Variants in TGFBR3 observed in about 807,000 individuals in gnomAD.
The protein encoded by TGFBR3 is transforming growth factor beta receptor 3.
TGFBR3 carries 46 observed loss-of-function variants against 87.9 expected under a neutral mutation model. The ratio of observed to expected loss-of-function variants is 0.52; its 90% CI spans 0.41 to 0.67. TGFBR3 has a LOEUF of 0.67. Among genes scored for constraint, TGFBR3 ranks in the 30% least tolerant of loss-of-function variants. The pLI is 0.00. For missense variants in TGFBR3, 866 were observed against 1,041.9 expected (o/e 0.83, Z 2.32); for synonymous variants, 381 against 391.6 (o/e 0.97, Z 0.32).
chr1:91,854,584 TAA>T (rs764009447), intron 2 of TGFBR3, among the ~76,000 whole-genome samples: 11 of 152,250 alleles, frequency 7.2e-5, no homozygotes, highest in East Asian at 1.9e-4. Context: ...TGAAAATTGT[TAA>T]GAGAGTATAT....
intron 3 of TGFBR3, among the ~76,000 whole-genome samples, chr1:91,760,988 G>A (rs1052575287): frequency 1.3e-5 from 2 of 152,230 alleles, no homozygotes; most frequent in Admixed American, 6.5e-5. Flanking sequence ...GCATGTATCA[G>A]TAAAAGGTTT....
At chr1:91,792,618 T>A (rs56281323) in intron 3 of TGFBR3, among the ~76,000 whole-genome samples, 11 of 152,294 alleles carry the variant, frequency 7.2e-5, no homozygotes, top group Non-Finnish European at 1.2e-4. Context: ...ACAAAATTGT[T>A]GCCATTCCAG....
chr1:91,697,787 G>T (rs967772638), intron 15 of TGFBR3, among the ~76,000 whole-genome samples: 9 of 152,160 alleles, frequency 5.9e-5, no homozygotes, highest in Non-Finnish European at 1.2e-4. Context: ...ACATAAGCAT[G>T]CAAGTCATTA....
chr1:91,885,766 T>C, intron 1 of TGFBR3, 112 bp downstream of exon 1: 1 of 209,856 alleles, frequency 4.8e-6, no homozygotes, highest in Non-Finnish European at 9.4e-6. Flanking sequence ...GGAGCGACCC[T>C]GGCCGGTAAG....
chr1:91,816,489 C>T (rs948339548), intron 2 of TGFBR3, among the ~76,000 whole-genome samples: 4 of 152,154 alleles, frequency 2.6e-5, no homozygotes, highest in African/African-American at 9.7e-5. Flanking sequence ...AGTTGGATAA[C>T]ATATTATTTT....
intron 2 of TGFBR3, among the ~76,000 whole-genome samples, chr1:91,842,155 A>G (rs1677313283): frequency 6.6e-6 from 1 of 152,190 alleles, no homozygotes; most frequent in African/African-American, 2.4e-5. Flanking sequence ...CACCAGAGCA[A>G]AAGCAAAACT....
intron 16 of TGFBR3, 114 bp downstream of exon 16, chr1:91,695,558 A>T (rs1374329095): frequency 1.1e-6 from 1 of 898,678 alleles, no homozygotes; most frequent in African/African-American, 1.6e-5. Context: ...ATGTAAAAAT[A>T]GTAGGAATGA....
intron 6 of TGFBR3, 129 bp from the exon 7 acceptor site, chr1:91,727,935 C>G: frequency 9.4e-7 from 1 of 1,059,156 alleles, no homozygotes; most frequent in Admixed American, 1.9e-5. Context: ...GATCCCAGGC[C>G]AATGACATGT....
chr1:91,799,488 G>T (rs1235196483), intron 2 of TGFBR3, among the ~76,000 whole-genome samples: 1 of 152,188 alleles, frequency 6.6e-6, no homozygotes, highest in Admixed American at 6.5e-5. Context: ...GCCGCAGTGG[G>T]ATGTCTGGTA....
At chr1:91,724,041 C>G (rs1672464207) in intron 7 of TGFBR3, among the ~76,000 whole-genome samples, 1 of 152,038 alleles carries the variant, frequency 6.6e-6, no homozygotes, top group African/African-American at 2.4e-5. Context: ...TTTTCTATTA[C>G]CTAAAGTGCT....
intron 1 of TGFBR3, among the ~76,000 whole-genome samples, chr1:91,871,049 A>T (rs894107647): frequency 1.3e-5 from 2 of 151,980 alleles, no homozygotes; most frequent in African/African-American, 2.4e-5. Context: ...CACCAAAAAA[A>T]AAAAAAAGAT....
rs1435624732 is a variant in TGFBR3, at chr1:91,680,640, AC to A, written c.*3098del. ...AAAACATCTGTCAGTTTCATGAACA[AC>A]CCCCAGATAAAACAAACATGAAAAA... On this transcript the variant is annotated 3_prime_UTR_variant, in exon 17 of 17. Transcript: ENST00000212355. 8.8e-6 allele frequency: 4 copies of A among 453,844 alleles called. No individual in the cohort carries two copies. Among genetic ancestry groups the A allele is most frequent in the Admixed American group, 4.7e-5 (2 of 42,522 alleles). The allele number at this position is 453,844 out of a possible 1,614,324, so 28.1% of individuals were successfully genotyped here.
At chr1:91,764,339 A>AC (rs1674090880) in intron 3 of TGFBR3, among the ~76,000 whole-genome samples, 2 of 150,002 alleles carry the variant, frequency 1.3e-5, no homozygotes, top group South Asian at 4.2e-4. Flanking sequence ...AAAAAAAAAA[A>AC]CCTAAAATGA....
In TGFBR3 at chr1:91,682,843, T is replaced by A; in HGVS notation, c.*896A>T. On this transcript the variant is annotated 3_prime_UTR_variant, in exon 17 of 17. Transcript: ENST00000212355. Reference sequence around the variant, plus strand: ...TGCCAGGTGACATATTATATACTTGTACTTGCATACACATAGAAATATATC... The same window carrying A: ...TGCCAGGTGACATATTATATACTTGAACTTGCATACACATAGAAATATATC... 1 of 453,680 alleles carries A rather than the reference T, an allele frequency of 2.2e-6. No individual in the cohort carries two copies. 28.1% of individuals were successfully genotyped at this position (453,680 alleles called of 1,614,324 possible). A position where few individuals can be genotyped will look rare whatever the true frequency, so the allele number is the denominator to read the frequency against.
At chr1:91,860,950 A>C (rs972132599) in intron 2 of TGFBR3, among the ~76,000 whole-genome samples, 1 of 151,014 alleles carries the variant, frequency 6.6e-6, no homozygotes, top group Non-Finnish European at 1.5e-5. Flanking sequence ...AAAAAAAAAA[A>C]AAAAAAAAAA....
chr1:91,744,210 G>A (rs1571464979), intron 4 of TGFBR3, among the ~76,000 whole-genome samples: 2 of 150,666 alleles, frequency 1.3e-5, no homozygotes, highest in South Asian at 2.1e-4. Flanking sequence ...TCAGCCTCCC[G>A]AGTAGCTGGG....
intron 1 of TGFBR3, among the ~76,000 whole-genome samples, chr1:91,880,546 C>T (rs1021669299): frequency 2.6e-5 from 4 of 151,788 alleles, no homozygotes; most frequent in African/African-American, 9.7e-5. Context: ...TGCAGTGAGC[C>T]GAGATCGCGC....
At chr1:91,735,284 T>C (rs193219653) in intron 4 of TGFBR3, among the ~76,000 whole-genome samples, 9 of 152,362 alleles carry the variant, frequency 5.9e-5, no homozygotes, top group East Asian at 5.8e-4. Flanking sequence ...TTACAATGAA[T>C]GTATTTCAAG....
chr1:91,792,462 A>G (rs1409004201), intron 3 of TGFBR3, among the ~76,000 whole-genome samples: 1 of 152,204 alleles, frequency 6.6e-6, no homozygotes. Flanking sequence ...TTAAATGTCC[A>G]TATCTTTTCT....
Sources: gnomAD v4.1 joint callset for allele counts (sites outside exome capture counted in the v4.1 genomes callset) on GRCh38, gnomAD v4.1.1 for gene constraint, MANE v1.5 for transcripts, NCBI Gene and HGNC (gene_info 2026-07-23, HGNC 2026-07-21) for gene names.